The following SLC39A11 variants were observed in gnomAD, a reference collection of about 807,000 sequenced individuals.
The protein encoded by SLC39A11 is solute carrier family 39 member 11.
In SLC39A11, 33 loss-of-function variants were observed where a neutral mutation model predicts 36.1. The ratio of observed to expected loss-of-function variants is 0.91; its 90% CI spans 0.69 to 1.22. The LOEUF (loss-of-function observed/expected upper bound fraction) is 1.22. Among genes scored for constraint, SLC39A11 ranks in the 50% most tolerant of loss-of-function variants. The probability of loss-of-function intolerance (pLI) is 0.00; values close to 1 mark genes in which losing one functional copy is unlikely to be tolerated. For synonymous variants in SLC39A11, 166 were observed against 170.3 expected (o/e 0.97, Z 0.20); for missense variants, 432 against 430.3 (o/e 1.00, Z -0.03).
intron 5 of SLC39A11, among the ~76,000 whole-genome samples, chr17:72,905,359 G>A (rs1598361447): frequency 2.0e-5 from 3 of 151,292 alleles, no homozygotes. Flanking sequence ...AATTTGGGAG[G>A]CCAAGGCAGG....
chr17:72,712,036 C>T (rs2073124114), intron 7 of SLC39A11, among the ~76,000 whole-genome samples: 1 of 152,224 alleles, frequency 6.6e-6, no homozygotes, highest in Non-Finnish European at 1.5e-5. Context: ...AGGGATTAGA[C>T]TGATGCCTTG....
At chr17:72,982,084 T>G (rs997966857) in intron 4 of SLC39A11, among the ~76,000 whole-genome samples, 2 of 30,834 alleles carry the variant, frequency 6.5e-5, no homozygotes, top group African/African-American at 1.7e-4. Flanking sequence ...CTCTAAAATT[T>G]TTTTTTTTTT....
chr17:72,738,229 C>A (rs928858230), intron 6 of SLC39A11, among the ~76,000 whole-genome samples: 1 of 152,164 alleles, frequency 6.6e-6, no homozygotes, highest in South Asian at 2.1e-4. Context: ...TGGTCTCGAT[C>A]TCCCGACCTC....
chr17:72,721,679 G>T (rs1426984225), intron 7 of SLC39A11, among the ~76,000 whole-genome samples: 1 of 152,098 alleles, frequency 6.6e-6, no homozygotes, highest in East Asian at 1.9e-4. Flanking sequence ...AACTTTAAAA[G>T]TTAAAATTGG....
intron 3 of SLC39A11, chr17:73,067,972 C>G (rs1056167076): frequency 5.6e-6 from 9 of 1,593,062 alleles, no homozygotes; most frequent in Non-Finnish European, 6.9e-6. Context: ...GAGCAAAGGA[C>G]TGATTCACAT....
At chr17:72,811,537 A>C (rs1266250698) in intron 6 of SLC39A11, among the ~76,000 whole-genome samples, 2 of 152,230 alleles carry the variant, frequency 1.3e-5, no homozygotes, top group African/African-American at 4.8e-5. Flanking sequence ...CCTGTCAGAG[A>C]TGCAGTAACT....
chr17:72,986,104 C>T (rs2088728010), intron 4 of SLC39A11, among the ~76,000 whole-genome samples: 1 of 152,152 alleles, frequency 6.6e-6, no homozygotes, highest in Non-Finnish European at 1.5e-5. Context: ...GAACTACTTT[C>T]CAGAAAGTTC....
intron 5 of SLC39A11, among the ~76,000 whole-genome samples, chr17:72,865,788 T>C (rs1364321202): frequency 6.6e-6 from 1 of 151,652 alleles, no homozygotes; most frequent in Non-Finnish European, 1.5e-5. Flanking sequence ...CCTAACCTTA[T>C]TCAAGACCTA....
chr17:72,777,880 T>C (rs1423345695), intron 6 of SLC39A11, among the ~76,000 whole-genome samples: 1 of 151,534 alleles, frequency 6.6e-6, no homozygotes, highest in African/African-American at 2.4e-5. Context: ...TATGTATGTA[T>C]GTATGTATGT....
intron 7 of SLC39A11, among the ~76,000 whole-genome samples, chr17:72,710,977 C>T (rs1287970827): frequency 1.3e-5 from 2 of 152,186 alleles, no homozygotes; most frequent in Non-Finnish European, 2.9e-5. Flanking sequence ...CATCCTCCCT[C>T]CCCCTTTTAA....
intron 6 of SLC39A11, among the ~76,000 whole-genome samples, chr17:72,799,081 G>A (rs1487404160): frequency 6.6e-6 from 1 of 152,184 alleles, no homozygotes; most frequent in Admixed American, 6.5e-5. Flanking sequence ...GTGTGCACAT[G>A]TATGGTTGCA....
chr17:72,773,876 C>T (rs1242559980), intron 6 of SLC39A11, among the ~76,000 whole-genome samples: 1 of 152,332 alleles, frequency 6.6e-6, no homozygotes, highest in Middle Eastern at 3.4e-3. Flanking sequence ...AAGCGCGAAA[C>T]ACCAACCATC....
At chr17:72,848,853 C>T (rs2079169634) in intron 6 of SLC39A11, among the ~76,000 whole-genome samples, 1 of 152,114 alleles carries the variant, frequency 6.6e-6, no homozygotes, top group Admixed American at 6.6e-5. Flanking sequence ...ATACTGAACT[C>T]AATAGACTTG....
intron 6 of SLC39A11, among the ~76,000 whole-genome samples, chr17:72,768,470 G>A (rs1278776782): frequency 2.6e-5 from 4 of 152,180 alleles, no homozygotes; most frequent in Non-Finnish European, 5.9e-5. Flanking sequence ...CAGGGCACCA[G>A]GCAGACTGGA....
chr17:72,649,155 T>C lies in SLC39A11; in HGVS notation c.770+15A>G, dbSNP rs774791428. The stretch of plus-strand genomic sequence containing the variant: ...AGGATGCTGTGACATGGCCTTGCCC[T>C]TGGGCAGCACTCACCAGAAAGCTCT... On this transcript the variant is annotated intron_variant, in intron 8 of 9. Transcript: ENST00000255559. 1.2e-6 allele frequency: 2 copies of C among 1,609,226 alleles called. No homozygotes were observed. Among genetic ancestry groups the C allele is most frequent in the Non-Finnish European group, 1.7e-6 (2 of 1,177,850 alleles).
chr17:73,035,600 A>G (rs1446624126), intron 3 of SLC39A11, among the ~76,000 whole-genome samples: 6 of 152,254 alleles, frequency 3.9e-5, no homozygotes, highest in East Asian at 3.9e-4. Context: ...GAGTGGGACC[A>G]ATGTAACCAC....
intron 3 of SLC39A11, among the ~76,000 whole-genome samples, chr17:73,063,059 T>C (rs1024717770): frequency 3.3e-5 from 5 of 152,140 alleles, no homozygotes; most frequent in African/African-American, 1.2e-4. Flanking sequence ...GGCCCCTGCT[T>C]GAGGAGACAT....
intron 5 of SLC39A11, among the ~76,000 whole-genome samples, chr17:72,895,521 G>A (rs1346251551): frequency 6.6e-6 from 1 of 151,938 alleles, no homozygotes; most frequent in Non-Finnish European, 1.5e-5. Context: ...GGAGGTTGCA[G>A]TGAGCTGAGA....
chr17:73,003,295 C>T (rs1375013922), intron 4 of SLC39A11, among the ~76,000 whole-genome samples: 4 of 152,186 alleles, frequency 2.6e-5, no homozygotes, highest in Admixed American at 6.5e-5. Context: ...CTTGACGGGC[C>T]GGGAATCATT....
Sources: allele counts gnomAD v4.1 joint callset (sites outside exome capture counted in the v4.1 genomes callset), GRCh38; gene constraint gnomAD v4.1.1; transcripts MANE v1.5; gene names NCBI Gene and HGNC (gene_info 2026-07-23, HGNC 2026-07-21).